FGF14: variants seen among roughly 807,000 people sequenced by gnomAD.
The protein encoded by FGF14 is fibroblast growth factor 14.
FGF14 carries 5 observed loss-of-function variants against 25.5 expected under a neutral mutation model. The ratio of observed to expected loss-of-function variants is 0.20; its 90% CI spans 0.10 to 0.41. The LOEUF (loss-of-function observed/expected upper bound fraction) is 0.41. FGF14 is among the 10% of genes least tolerant of loss of function. The probability of loss-of-function intolerance (pLI) is 1.00; values close to 1 mark genes in which losing one functional copy is unlikely to be tolerated. For synonymous variants in FGF14, 138 were observed against 118.3 expected, an observed-to-expected ratio of 1.17 and a Z score of -1.08; for missense variants, 222 against 320.1, an observed-to-expected ratio of 0.69 and a Z score of 2.34.
intron 1 of FGF14, among the ~76,000 whole-genome samples, chr13:102,109,425 C>A (rs1469977754): frequency 1.3e-5 from 2 of 152,118 alleles, no homozygotes; most frequent in African/African-American, 2.4e-5. Context: ...GTTCTTACCA[C>A]ACACAAAACA....
intron 3 of FGF14, among the ~76,000 whole-genome samples, chr13:101,853,115 G>A (rs1019537165): frequency 6.6e-5 from 10 of 152,050 alleles, no homozygotes; most frequent in Admixed American, 5.9e-4. Context: ...CCAGTCTTGT[G>A]ATCACCTGAG....
chr13:101,772,338 G>A (rs577379784), intron 3 of FGF14, among the ~76,000 whole-genome samples: 9 of 152,000 alleles, frequency 5.9e-5, no homozygotes, highest in Non-Finnish European at 7.4e-5. Flanking sequence ...ATAGCAAATC[G>A]TCTCTGAATG....
At chr13:101,946,106 G>A (rs1280638450) in intron 1 of FGF14, among the ~76,000 whole-genome samples, 1 of 151,976 alleles carries the variant, frequency 6.6e-6, no homozygotes, top group African/African-American at 2.4e-5. Context: ...TGGATTTAAA[G>A]TCACCTTGGG....
chr13:101,912,298 T>C (rs2033027300), intron 1 of FGF14, among the ~76,000 whole-genome samples: 1 of 152,204 alleles, frequency 6.6e-6, no homozygotes, highest in Admixed American at 6.5e-5. Flanking sequence ...ACCTGCTGAT[T>C]AAGCATACAT....
At chr13:101,730,128 A>G (rs537894211) in intron 3 of FGF14, among the ~76,000 whole-genome samples, 23 of 152,294 alleles carry the variant, frequency 1.5e-4, no homozygotes, top group African/African-American at 5.3e-4. Context: ...TGAGAGGAAG[A>G]CATGTTGAAT....
intron 1 of FGF14, among the ~76,000 whole-genome samples, chr13:101,936,009 T>C (rs1053563044): frequency 6.6e-6 from 1 of 152,232 alleles, no homozygotes; most frequent in Non-Finnish European, 1.5e-5. Flanking sequence ...AAGGTAGTCA[T>C]AGAAAGGATC....
At chr13:101,799,041 A>G (rs2040718650) in intron 3 of FGF14, among the ~76,000 whole-genome samples, 1 of 152,144 alleles carries the variant, frequency 6.6e-6, no homozygotes, top group Non-Finnish European at 1.5e-5. Flanking sequence ...CCTCATACAT[A>G]TACGGTAAAC....
At chr13:101,898,988 A>T (rs1251153548) in intron 1 of FGF14, among the ~76,000 whole-genome samples, 2 of 152,230 alleles carry the variant, frequency 1.3e-5, no homozygotes, top group Non-Finnish European at 2.9e-5. Flanking sequence ...TTGGCAATCC[A>T]CAATGCTAAG....
intron 1 of FGF14, among the ~76,000 whole-genome samples, chr13:102,010,036 C>A (rs2039999300): frequency 6.6e-6 from 1 of 152,046 alleles, no homozygotes; most frequent in South Asian, 2.1e-4. Flanking sequence ...AGGAAAGAAT[C>A]AAGTCCTTCT....
At chr13:102,021,532 T>A (rs2040652396) in intron 1 of FGF14, among the ~76,000 whole-genome samples, 3 of 151,834 alleles carry the variant, frequency 2.0e-5, no homozygotes, top group African/African-American at 7.3e-5. Context: ...TGCCTGTCAC[T>A]CAGCAACAAC....
chr13:101,790,650 T>G (rs2040183158), intron 3 of FGF14, among the ~76,000 whole-genome samples: 2 of 152,112 alleles, frequency 1.3e-5, no homozygotes, highest in Admixed American at 1.3e-4. Flanking sequence ...TTCTTCACAC[T>G]TCAGCATGCC....
At chr13:102,245,163 T>G (rs1209255032) in intron 1 of FGF14, among the ~76,000 whole-genome samples, 1 of 152,036 alleles carries the variant, frequency 6.6e-6, no homozygotes, top group Non-Finnish European at 1.5e-5. Context: ...TACCTGAGCT[T>G]GAGTGAGTCA....
intron 1 of FGF14, among the ~76,000 whole-genome samples, chr13:102,098,365 T>A (rs1368619795): frequency 6.6e-6 from 1 of 152,240 alleles, no homozygotes; most frequent in Non-Finnish European, 1.5e-5. Context: ...TCTTAAGATT[T>A]GTATCTTACA....
chr13:102,103,895 G>A (rs1369438508), intron 1 of FGF14, among the ~76,000 whole-genome samples: 1 of 152,122 alleles, frequency 6.6e-6, no homozygotes, highest in African/African-American at 2.4e-5. Context: ...ATTGGCCATG[G>A]TCATCCACCA....
chr13:101,850,161 C>G (rs1406516905), intron 3 of FGF14, among the ~76,000 whole-genome samples: 4 of 150,610 alleles, frequency 2.7e-5, no homozygotes, highest in African/African-American at 9.8e-5. Flanking sequence ...TGGCCAGGCA[C>G]GCTGGCTCAC....
intron 1 of FGF14, among the ~76,000 whole-genome samples, chr13:102,251,414 C>T (rs1371124881): frequency 6.6e-6 from 1 of 152,140 alleles, no homozygotes; most frequent in African/African-American, 2.4e-5. Flanking sequence ...TCCCCAAGAA[C>T]CTTTTCTGTT....
chr13:101,902,076 T>C (rs1439126657), intron 1 of FGF14, among the ~76,000 whole-genome samples: 3 of 152,138 alleles, frequency 2.0e-5, no homozygotes, highest in South Asian at 4.1e-4. Flanking sequence ...CTTGAAACCA[T>C]AGGAATATCT....
chr13:101,783,385 G>A lies in FGF14; in HGVS notation c.409-56575C>T, dbSNP rs140259376. Among the ~76,000 whole-genome samples the A allele has an allele frequency of 6.2e-3, 942 of 151,602 alleles. 8 individuals are homozygous for A. Among genetic ancestry groups the A allele is most frequent in the African/African-American group, 0.021 (886 of 41,322 alleles). On this transcript the variant is annotated intron_variant, in intron 3 of 4. Coordinates refer to ENST00000376143, the MANE Select transcript of FGF14 (RefSeq NM_004115.4). ...CTCAGGAGGTTGAGGCAGGAGAATCGCTTGAACCCAGGAGGCGGAGATTGC... is the reference window on the plus strand; with the variant it reads ...CTCAGGAGGTTGAGGCAGGAGAATCACTTGAACCCAGGAGGCGGAGATTGC...
At position 101,916,792 on chromosome 13, in the gene FGF14, G is replaced by A. The variant is rs2252594; in HGVS notation, c.-147C>T. The stretch of plus-strand genomic sequence containing the variant: ...GCGGGACTGGGGAGAGGGGAAGGGG[G>A]GCTCAGTCCTGACCGGGACCCATCG... On this transcript the variant is annotated 5_prime_UTR_variant, in exon 1 of 5. Coordinates refer to ENST00000376143, the MANE Select transcript of FGF14 (RefSeq NM_004115.4). 7.3e-6 allele frequency: 5 copies of A among 682,732 alleles called. No homozygotes were observed. Among genetic ancestry groups the A allele is most frequent in the Non-Finnish European group, 1.2e-5 (5 of 423,368 alleles). 42.3% of individuals were successfully genotyped at this position (682,732 alleles called of 1,614,324 possible). A position where few individuals can be genotyped will look rare whatever the true frequency, so the allele number is the denominator to read the frequency against.
Sources: gnomAD v4.1 joint callset for allele counts (sites outside exome capture counted in the v4.1 genomes callset) on GRCh38, gnomAD v4.1.1 for gene constraint, MANE v1.5 for transcripts, NCBI Gene and HGNC (gene_info 2026-07-23, HGNC 2026-07-21) for gene names.